The following ATRNL1 variants were observed in gnomAD, a reference collection of about 807,000 sequenced individuals.
ATRNL1 encodes attractin like 1.
In ATRNL1, 95 loss-of-function variants were observed where a neutral mutation model predicts 182.7. The ratio of observed to expected loss-of-function variants is 0.52; its 90% confidence interval spans 0.44 to 0.62. The LOEUF is 0.62. Ranked by LOEUF, ATRNL1 falls within the 20% of genes least tolerant of loss-of-function variation. ATRNL1 has a pLI of 0.00. For synonymous variants in ATRNL1, 576 were observed against 568.3 expected, an observed-to-expected ratio of 1.01 and a Z score of -0.19; for missense variants, 1,471 against 1,679.5, an observed-to-expected ratio of 0.88 and a Z score of 2.17.
chr10:115,762,654 T>G (rs140067840), intron 27 of ATRNL1, among the ~76,000 whole-genome samples: 1,973 of 152,180 alleles, frequency 0.013, 38 homozygotes, highest in African/African-American at 0.044. Context: ...TAACCTCCCA[T>G]AAATAGTATA....
chr10:115,938,770 TG>T (rs1555123462), intron 28 of ATRNL1, among the ~76,000 whole-genome samples: 1 of 152,134 alleles, frequency 6.6e-6, no homozygotes, highest in Non-Finnish European at 1.5e-5. Flanking sequence ...AAATACTGTA[TG>T]ACTTCACTTA....
intron 10 of ATRNL1, among the ~76,000 whole-genome samples, chr10:115,263,329 T>C (rs1554909299): frequency 6.6e-6 from 1 of 151,662 alleles, no homozygotes; most frequent in Non-Finnish European, 1.5e-5. Flanking sequence ...TTAGGATGGC[T>C]ATGATAAAAA....
At chr10:115,502,062 G>T (rs751059656) in intron 24 of ATRNL1, among the ~76,000 whole-genome samples, 1 of 151,994 alleles carries the variant, frequency 6.6e-6, no homozygotes, top group Non-Finnish European at 1.5e-5. Context: ...AAGTAAATTT[G>T]TTATGTCTGT....
intron 27 of ATRNL1, among the ~76,000 whole-genome samples, chr10:115,823,125 AC>A (rs1370833974): frequency 6.6e-6 from 1 of 152,224 alleles, no homozygotes; most frequent in African/African-American, 2.4e-5. Context: ...GTCTGGTTCA[AC>A]ATACGCTAAT....
rs143148669 is a variant in ATRNL1 at position 115,311,956 on chromosome 10, A to G, written c.2819-3562A>G. Among the ~76,000 whole-genome samples, 37 of 151,952 alleles carry G rather than the reference A, an allele frequency of 2.4e-4. No homozygotes were observed. In the East Asian group the frequency reaches 7.2e-3, roughly 30 times the overall value. ...TTGCTTTTGGTTTCCATTGGCATTG[A>G]ATATCTTTTTCCACCCCTTTACCTT... On this transcript the variant is annotated intron_variant, in intron 17 of 28. Coordinates refer to ENST00000355044, the MANE Select transcript of ATRNL1 (RefSeq NM_207303.4).
chr10:115,442,582 C>T (rs1554965985), intron 21 of ATRNL1, among the ~76,000 whole-genome samples: 1 of 151,994 alleles, frequency 6.6e-6, no homozygotes, highest in African/African-American at 2.4e-5. Context: ...AGACAAGCAA[C>T]CATAGACAAT....
At chr10:115,737,840 C>T (rs1555066429) in intron 27 of ATRNL1, among the ~76,000 whole-genome samples, 1 of 152,106 alleles carries the variant, frequency 6.6e-6, no homozygotes, top group Non-Finnish European at 1.5e-5. Context: ...ATTGACTTTT[C>T]TCTTGGTGTT....
chr10:115,948,790 A>T lies in ATRNL1; in HGVS notation c.*4011A>T, dbSNP rs1168964746. On this transcript the variant is annotated 3_prime_UTR_variant, in exon 29 of 29. Transcript: ENST00000355044. ...GTGATTTCATTAGAGTGTACATTTAACATTTTAGTTTTATCAAAATTTTTT... is the reference window on the plus strand; with the variant it reads ...GTGATTTCATTAGAGTGTACATTTATCATTTTAGTTTTATCAAAATTTTTT... The T allele has an allele frequency of 6.6e-6, 1 of 152,224 alleles. No individual in the cohort carries two copies. The highest frequency in any genetic ancestry group is 1.5e-5 in the Non-Finnish European group (1 of 68,046). 9.4% of individuals were successfully genotyped at this position (152,224 alleles called of 1,614,324 possible). A position where few individuals can be genotyped will look rare whatever the true frequency, so the allele number is the denominator to read the frequency against.
intron 26 of ATRNL1, among the ~76,000 whole-genome samples, chr10:115,657,035 A>G (rs1385556616): frequency 1.3e-5 from 2 of 152,176 alleles, no homozygotes; most frequent in Non-Finnish European, 2.9e-5. Context: ...TGTTTATATC[A>G]ATTAGCCTGC....
intron 27 of ATRNL1, among the ~76,000 whole-genome samples, chr10:115,801,663 AC>A (rs1949796323): frequency 6.6e-6 from 1 of 152,108 alleles, no homozygotes; most frequent in African/African-American, 2.4e-5. Context: ...CATTAACATG[AC>A]TTTACTTTTT....
At chr10:115,586,376 C>G (rs1339449279) in intron 26 of ATRNL1, among the ~76,000 whole-genome samples, 1 of 104,248 alleles carries the variant, frequency 9.6e-6, no homozygotes, top group Non-Finnish European at 2.1e-5. Flanking sequence ...TTCTCCCCGT[C>G]ACTTTCAGGT....
chr10:115,784,767 G>A (rs1314010897), intron 27 of ATRNL1, among the ~76,000 whole-genome samples: 1 of 152,012 alleles, frequency 6.6e-6, no homozygotes, highest in Non-Finnish European at 1.5e-5. Context: ...GTTTTCACAT[G>A]GCCTTCTTAT....
At chr10:115,837,350 G>A (rs1026471608) in intron 27 of ATRNL1, among the ~76,000 whole-genome samples, 15 of 151,760 alleles carry the variant, frequency 9.9e-5, no homozygotes, top group African/African-American at 3.4e-4. Flanking sequence ...AGCATCCTCC[G>A]TCTACTAACA....
At chr10:115,848,065 A>G (rs1480260239) in intron 28 of ATRNL1, 74 bp downstream of exon 28, 3 of 836,918 alleles carry the variant, frequency 3.6e-6, no homozygotes, top group Non-Finnish European at 6.1e-6. Flanking sequence ...CAATACCACT[A>G]AATAGCGCAG....
At chr10:115,303,513 G>T (rs1405426161) in intron 17 of ATRNL1, among the ~76,000 whole-genome samples, 1 of 152,100 alleles carries the variant, frequency 6.6e-6, no homozygotes, top group African/African-American at 2.4e-5. Context: ...GAGCCACCGC[G>T]CCCGGCCGGT....
intron 19 of ATRNL1, among the ~76,000 whole-genome samples, chr10:115,363,305 A>G (rs1856846625): frequency 6.6e-6 from 1 of 151,996 alleles, no homozygotes; most frequent in Non-Finnish European, 1.5e-5. Context: ...TTTTGGCTGC[A>G]TAAATGTCTT....
At chr10:115,464,811 A>G (rs922990153) in intron 22 of ATRNL1, among the ~76,000 whole-genome samples, 1 of 150,896 alleles carries the variant, frequency 6.6e-6, no homozygotes, top group Non-Finnish European at 1.5e-5. Context: ...TTTCATAAAA[A>G]AGTGACTTTT....
intron 21 of ATRNL1, among the ~76,000 whole-genome samples, chr10:115,458,848 C>G (rs1239075969): frequency 1.3e-5 from 2 of 151,944 alleles, no homozygotes; most frequent in Non-Finnish European, 2.9e-5. Flanking sequence ...ATATTTTTTT[C>G]TTCATTCTAA....
At chr10:115,457,385 G>A (rs1822357575) in intron 21 of ATRNL1, among the ~76,000 whole-genome samples, 1 of 152,020 alleles carries the variant, frequency 6.6e-6, no homozygotes, top group African/African-American at 2.4e-5. Flanking sequence ...GGCGATAGAA[G>A]TTCTCACTCT....
Sources: allele counts gnomAD v4.1 joint callset (sites outside exome capture counted in the v4.1 genomes callset), GRCh38; gene constraint gnomAD v4.1.1; transcripts MANE v1.5; gene names NCBI Gene and HGNC (gene_info 2026-07-23, HGNC 2026-07-21).